Variants in ZBTB2 observed in about 807,000 individuals in gnomAD.
ZBTB2 encodes zinc finger and BTB domain containing 2, also known as zinc finger and BTB domain-containing protein 2.
A neutral mutation model predicts 39.5 loss-of-function variants in ZBTB2; 2 were observed. The observed-to-expected ratio is 0.05, with a 90% CI of 0.02 to 0.16. The LOEUF is 0.16. ZBTB2 is among the 10% of genes least tolerant of loss of function. ZBTB2 has a pLI of 1.00. For synonymous variants in ZBTB2, 251 were observed against 256.6 expected (o/e 0.98, Z 0.21); for missense variants, 391 against 653.0 (o/e 0.60, Z 4.37).
chr6:151,378,684 C>T (rs1778967587), intron 1 of ZBTB2, among the ~76,000 whole-genome samples: 1 of 152,206 alleles, frequency 6.6e-6, no homozygotes. Flanking sequence ...GATATGCTCC[C>T]TGCCATGTCC....
At chr6:151,379,080 T>C (rs1778978109) in intron 1 of ZBTB2, among the ~76,000 whole-genome samples, 1 of 152,218 alleles carries the variant, frequency 6.6e-6, no homozygotes, top group Non-Finnish European at 1.5e-5. Flanking sequence ...TATTTGCTGC[T>C]GCTTTTAAGT....
chr6:151,390,350 CTCCCT>C (rs1297942304), intron 1 of ZBTB2, among the ~76,000 whole-genome samples: 13 of 147,554 alleles, frequency 8.8e-5, no homozygotes, highest in African/African-American at 2.0e-4. Context: ...GCCCCGCCCC[CTCCCT>C]GTCCCCGTCC....
chr6:151,390,310 G>A (rs2114888642), intron 1 of ZBTB2, among the ~76,000 whole-genome samples: 1 of 138,948 alleles, frequency 7.2e-6, no homozygotes, highest in East Asian at 2.4e-4. Context: ...GCGCGGCGCC[G>A]GGGCCCTCTG....
At position 151,390,225 on chromosome 6, in the gene ZBTB2, G is replaced by A. The variant is rs979820822; in HGVS notation, c.-13+1195C>T. 1.1e-4 allele frequency among the ~76,000 whole-genome samples: 17 copies of A among 151,598 alleles called. 1 individual carries two copies. Among genetic ancestry groups the A allele is most frequent in the Admixed American group, 1.1e-3 (17 of 15,274 alleles). ...AGGCGACAAGGGCGGCGCCACAGAG[G>A]CCGACGCGTCCCCCGCCCGCCTGAG... On this transcript the variant is annotated intron_variant, in intron 1 of 2. Coordinates refer to ENST00000325144, the MANE Select transcript of ZBTB2 (RefSeq NM_020861.3).
chr6:151,366,356 G>A lies in ZBTB2; in HGVS notation c.710C>T (p.Ala237Val). Residue 237 changes from alanine (A) to valine (V), a missense_variant, in exon 3 of 3, where the codon GCC (alanine) becomes GTC (valine). Coordinates refer to ENST00000325144, the MANE Select transcript of ZBTB2 (RefSeq NM_020861.3). The surrounding 1 kb of genome is among the most constrained non-coding windows in gnomAD (Gnocchi z 7.1). Reference sequence around the variant, plus strand: ...CTTCATGATGCTTGGCTTGACGTGGGCTATTGTGAGGGACGCAGGCTGCTC... The same window carrying A: ...CTTCATGATGCTTGGCTTGACGTGGACTATTGTGAGGGACGCAGGCTGCTC... Reference protein sequence around the residue: ...SDEQPASLTIAHVKPSIMKRN... With the variant: ...SDEQPASLTIVHVKPSIMKRN... 1 of 1,614,112 alleles carries A rather than the reference G, an allele frequency of 6.2e-7. No individual in the cohort carries two copies. Among genetic ancestry groups the A allele is most frequent in the Admixed American group, 1.7e-5 (1 of 60,006 alleles).
chr6:151,387,865 T>C (rs990609335), intron 1 of ZBTB2, among the ~76,000 whole-genome samples: 1 of 152,210 alleles, frequency 6.6e-6, no homozygotes, highest in Non-Finnish European at 1.5e-5. Context: ...GGCTGCCAAC[T>C]CCTTGTAAGG....
intron 1 of ZBTB2, among the ~76,000 whole-genome samples, chr6:151,386,365 C>A (rs1472333985): frequency 6.6e-6 from 1 of 152,138 alleles, no homozygotes; most frequent in East Asian, 1.9e-4. Flanking sequence ...ATGACGAGAC[C>A]CTGTCTCTAT....
At chr6:151,379,637 G>GAAAAA (rs61085296) in intron 1 of ZBTB2, among the ~76,000 whole-genome samples, 8 of 65,892 alleles carry the variant, frequency 1.2e-4, no homozygotes, top group East Asian at 4.3e-4. Context: ...GACCCTGTCT[G>GAAAAA]AAAAAAAAAA....
In ZBTB2 at chr6:151,365,969, G is replaced by A; in HGVS notation, c.1097C>T (p.Thr366Ile). ...CTGGATAAATTTGCGTCCACATATT[G>A]TGCACTCGTACTTCCGCCTCTTCAC... ...REVKRRKYEC[T>I]ICGRKFIQKS... Residue 366 changes from threonine (T) to isoleucine (I), a missense_variant, in exon 3 of 3, where the codon ACA becomes ATA. Thr to Ile is a moderately conservative substitution (Grantham distance 89, BLOSUM62 -1). This residue lies in a region of ZBTB2 where 17 missense variants were observed against 67.6 expected (regional missense o/e 0.25). Transcript: ENST00000325144. The surrounding 1 kb of genome is among the most constrained non-coding windows in gnomAD (Gnocchi z 5.6). 5 of 1,614,146 alleles carry A rather than the reference G, an allele frequency of 3.1e-6. No homozygotes were observed. Among genetic ancestry groups the A allele is most frequent in the Non-Finnish European group, 4.2e-6 (5 of 1,180,034 alleles).
chr6:151,369,024 A>G (rs1241781417), intron 2 of ZBTB2, among the ~76,000 whole-genome samples: 1 of 152,042 alleles, frequency 6.6e-6, no homozygotes, highest in Non-Finnish European at 1.5e-5. Context: ...CGGCCTCCCA[A>G]AGTGCTAGGA....
At chr6:151,382,166 T>G (rs1259956048) in intron 1 of ZBTB2, among the ~76,000 whole-genome samples, 4 of 152,260 alleles carry the variant, frequency 2.6e-5, no homozygotes, top group African/African-American at 2.4e-5. Context: ...AAATATGGTA[T>G]TATAATCTTA....
Position 151,370,079 on chromosome 6 carries a change from G to A in ZBTB2, c.174-3187C>T, listed in dbSNP as rs1028013285. 14 of 974,544 alleles carry A rather than the reference G, an allele frequency of 1.4e-5. No individual in the cohort carries two copies. The South Asian group carries it at 4.7e-4, about 33-fold the overall frequency. The allele number at this position is 974,544 out of a possible 1,614,324, so 60.4% of individuals were successfully genotyped here. ...GGTCTTTTCCCAGTCCTGTGGAAAGGACATAGTTCTCTACAATATACTTAC... is the reference window on the plus strand; with the variant it reads ...GGTCTTTTCCCAGTCCTGTGGAAAGAACATAGTTCTCTACAATATACTTAC... On this transcript the variant is annotated intron_variant, in intron 2 of 2. Coordinates refer to ENST00000325144, the MANE Select transcript of ZBTB2 (RefSeq NM_020861.3).
chr6:151,369,779 C>A (rs1247531041), intron 2 of ZBTB2, among the ~76,000 whole-genome samples: 1 of 152,120 alleles, frequency 6.6e-6, no homozygotes, highest in Non-Finnish European at 1.5e-5. Context: ...TCAAGACCAG[C>A]CTGGCCAACA....
chr6:151,367,270 A>G (rs547019481), intron 2 of ZBTB2, among the ~76,000 whole-genome samples: 34 of 152,096 alleles, frequency 2.2e-4, no homozygotes, highest in African/African-American at 8.2e-4. Flanking sequence ...ACAGGCGCTC[A>G]CTACCACGCC....
chr6:151,375,526 A>G (rs1778887830), intron 1 of ZBTB2, among the ~76,000 whole-genome samples: 2 of 152,222 alleles, frequency 1.3e-5, no homozygotes, highest in Admixed American at 6.5e-5. Context: ...TAAAATGTAC[A>G]TGTAAAGGCA....
At chr6:151,374,016 T>C (rs1009396286) in intron 1 of ZBTB2, among the ~76,000 whole-genome samples, 3 of 152,212 alleles carry the variant, frequency 2.0e-5, no homozygotes, top group East Asian at 1.9e-4. Context: ...AGCAAATATC[T>C]TGGACCATCG....
rs1255818225 is a variant in ZBTB2, at chr6:151,366,334, CATG to C, written c.729_731del (p.Ile243del). ...ACTTTGGAAAGCTCCCATTCCTCTT[CATG>C]ATGCTTGGCTTGACGTGGGCTATTG... is the stretch of plus-strand genomic sequence containing the variant. On this transcript the variant is annotated inframe_deletion, in exon 3 of 3. Coordinates refer to ENST00000325144, the MANE Select transcript of ZBTB2 (RefSeq NM_020861.3). This position sits in a 1 kb window ranked among gnomAD's most constrained non-coding sequence, Gnocchi z 7.1. The C allele has an allele frequency of 2.5e-6, 4 of 1,614,136 alleles. 1 individual carries two copies. Among genetic ancestry groups the C allele is most frequent in the South Asian group, 2.2e-5 (2 of 91,080 alleles).
At chr6:151,369,359 A>AT (rs1437783411) in intron 2 of ZBTB2, among the ~76,000 whole-genome samples, 4 of 150,990 alleles carry the variant, frequency 2.6e-5, no homozygotes, top group Admixed American at 1.3e-4. Context: ...ATTAAAAACA[A>AT]TTTTTTTTGA....
chr6:151,373,703 T>C (rs1257368561), intron 1 of ZBTB2, 54 bp from the exon 2 acceptor site: 9 of 1,508,196 alleles, frequency 6.0e-6, no homozygotes, highest in Non-Finnish European at 8.1e-6. Context: ...TAAGAATGTG[T>C]CCTTTATAGT....
Sources: allele counts gnomAD v4.1 joint callset (sites outside exome capture counted in the v4.1 genomes callset), GRCh38; gene constraint gnomAD v4.1.1; regional missense constraint gnomAD v4.1.1; non-coding constraint Gnocchi (gnomAD v3.1); transcripts MANE v1.5; gene names NCBI Gene and HGNC (gene_info 2026-07-23, HGNC 2026-07-21).